The following PPFIA2 variants were observed in gnomAD, a reference collection of about 807,000 sequenced individuals.
The protein encoded by PPFIA2 is PPFI scaffold protein A2, also known as liprin-alpha-2.
A neutral mutation model predicts 175.5 loss-of-function variants in PPFIA2; 46 were observed. That is an observed-to-expected ratio of 0.26 (90% CI 0.21 to 0.34). The LOEUF is 0.34. PPFIA2 is among the 10% of genes least tolerant of loss of function. The pLI, the probability that PPFIA2 is intolerant of heterozygous loss-of-function variation, is 1.00. For synonymous variants in PPFIA2, 568 were observed against 511.4 expected, an observed-to-expected ratio of 1.11 and a Z score of -1.49; for missense variants, 1,179 against 1,506.1, an observed-to-expected ratio of 0.78 and a Z score of 3.60.
At chr12:81,264,057 C>T (rs950510915) in intron 30 of PPFIA2, among the ~76,000 whole-genome samples, 4 of 152,106 alleles carry the variant, frequency 2.6e-5, no homozygotes, top group African/African-American at 9.7e-5. Flanking sequence ...ACCCTGGTTA[C>T]ATTTTAATAA....
chr12:81,505,687 T>C (rs1465410879), intron 4 of PPFIA2: 1 of 152,222 alleles, frequency 6.6e-6, no homozygotes, highest in African/African-American at 2.4e-5. Flanking sequence ...TTCCACACAA[T>C]GAGTTCCCTC....
intron 9 of PPFIA2, among the ~76,000 whole-genome samples, chr12:81,382,987 C>A (rs1009794489): frequency 6.6e-6 from 1 of 152,014 alleles, no homozygotes; most frequent in Non-Finnish European, 1.5e-5. Context: ...CGGATGAAAA[C>A]CAGAAGAGGA....
At chr12:81,690,468 T>C (rs1425365408) in intron 3 of PPFIA2, among the ~76,000 whole-genome samples, 1 of 152,082 alleles carries the variant, frequency 6.6e-6, no homozygotes, top group African/African-American at 2.4e-5. Context: ...CACCAAAGTC[T>C]ATTCCTGTCT....
At chr12:81,266,099 C>T (rs1327357442) in intron 30 of PPFIA2, among the ~76,000 whole-genome samples, 1 of 152,140 alleles carries the variant, frequency 6.6e-6, no homozygotes, top group African/African-American at 2.4e-5. Flanking sequence ...ATTATCTGTC[C>T]TGCCTATTTG....
chr12:81,615,922 G>A (rs985709406), intron 4 of PPFIA2, among the ~76,000 whole-genome samples: 10 of 152,140 alleles, frequency 6.6e-5, no homozygotes, highest in Admixed American at 6.5e-4. Flanking sequence ...CTAGAGCCAT[G>A]TCCTTGAGTA....
At chr12:81,461,346 T>C (rs530204478) in intron 4 of PPFIA2, among the ~76,000 whole-genome samples, 3 of 152,256 alleles carry the variant, frequency 2.0e-5, no homozygotes, top group Admixed American at 1.3e-4. Context: ...TTTAGATTTC[T>C]GCAACACTGC....
chr12:81,348,373 A>G (rs976159782), intron 17 of PPFIA2, among the ~76,000 whole-genome samples: 2 of 152,144 alleles, frequency 1.3e-5, no homozygotes, highest in African/African-American at 4.8e-5. Context: ...TAAGTACCAG[A>G]AAAGGTAATA....
At chr12:81,540,449 G>A (rs970611629) in intron 4 of PPFIA2, among the ~76,000 whole-genome samples, 3 of 151,850 alleles carry the variant, frequency 2.0e-5, no homozygotes, top group African/African-American at 4.8e-5. Context: ...GGCTGGGCTT[G>A]GTCTCTTATA....
intron 3 of PPFIA2, among the ~76,000 whole-genome samples, chr12:81,719,231 G>A (rs1233017957): frequency 2.0e-5 from 3 of 151,626 alleles, no homozygotes; most frequent in Non-Finnish European, 3.0e-5. Flanking sequence ...GCCCTCTGTT[G>A]TTGGTGTTGT....
chr12:81,663,757 C>T (rs2069472403), intron 4 of PPFIA2, among the ~76,000 whole-genome samples: 1 of 152,082 alleles, frequency 6.6e-6, no homozygotes, highest in Non-Finnish European at 1.5e-5. Flanking sequence ...AAGAACAAAG[C>T]TGGAGGCATC....
chr12:81,325,707 T>A (rs1180200963), intron 22 of PPFIA2, 70 bp downstream of exon 22: 1 of 1,157,466 alleles, frequency 8.6e-7, no homozygotes, highest in Non-Finnish European at 1.3e-6. Flanking sequence ...CACTCTCTTT[T>A]TAATTCCCTA....
chr12:81,530,699 A>G (rs1331646571), intron 4 of PPFIA2, among the ~76,000 whole-genome samples: 1 of 151,732 alleles, frequency 6.6e-6, no homozygotes, highest in Non-Finnish European at 1.5e-5. Context: ...AGTAGTACAC[A>G]GTAAATAGTA....
At chr12:81,382,710 T>C (rs180940697) in intron 9 of PPFIA2, among the ~76,000 whole-genome samples, 1 of 152,200 alleles carries the variant, frequency 6.6e-6, no homozygotes, top group Non-Finnish European at 1.5e-5. Context: ...AGGGTCTGGT[T>C]TGCTGAGAAA....
At position 81,358,134 on chromosome 12, in the gene PPFIA2, A is replaced by G. The variant is rs1055280424; in HGVS notation, c.1721T>C (p.Val574Ala). Reference protein sequence around the residue: ...DSQSDYRTTKVIRRPRRGRMG... With the variant: ...DSQSDYRTTKAIRRPRRGRMG... ...GCGGCCTCTCCTTGGTCTTCTTATT[A>G]CTTTAGTTGTTCTGTAATCAGACTG... is the stretch of plus-strand genomic sequence containing the variant. Residue 574 changes from valine (V) to alanine (A), a missense_variant, in exon 16 of 33, where the codon GTA becomes GCA. By Grantham distance (64) the Val-to-Ala change is moderately conservative (BLOSUM62 0). Around this residue, in one of 10 missense-constraint regions of PPFIA2, gnomAD observed 186 missense variants for 163.6 expected, o/e 1.14. Coordinates refer to ENST00000549396, the MANE Select transcript of PPFIA2 (RefSeq NM_003625.5). The G allele has an allele frequency of 6.2e-7, 1 of 1,602,272 alleles. No individual in the cohort carries two copies. The highest frequency in any genetic ancestry group is 2.3e-5 in the East Asian group (1 of 44,344).
At chr12:81,751,570 C>CAG (rs1281634137) in intron 3 of PPFIA2, among the ~76,000 whole-genome samples, 62 of 146,158 alleles carry the variant, frequency 4.2e-4, no homozygotes, top group African/African-American at 1.3e-3. Context: ...CACACATATA[C>CAG]AGAGAGAGAG....
In PPFIA2 at chr12:81,353,283, G is replaced by A; in HGVS notation, c.1830C>T (p.Ser610=). The change falls in exon 17 of 33, where the codon AGC becomes AGT. Residue 610 remains serine, a synonymous_variant. Transcript: ENST00000549396. ...WNRTQQIGVL[S]SHPFESDTEM... ...CAGTGTCACTTTCAAAAGGGTGGCT[G>A]CTTAGTACTCCAATCTGTTGAGTTC... 2 of 1,613,708 alleles carry A rather than the reference G, an allele frequency of 1.2e-6. No individual in the cohort carries two copies. Among genetic ancestry groups the A allele is most frequent in the Middle Eastern group, 1.7e-4 (1 of 6,058 alleles).
At chr12:81,468,924 A>G (rs1395784820) in intron 4 of PPFIA2, among the ~76,000 whole-genome samples, 1 of 152,138 alleles carries the variant, frequency 6.6e-6, no homozygotes, top group Non-Finnish European at 1.5e-5. Context: ...ATTAAATAAC[A>G]GAGTAAAAGA....
intron 21 of PPFIA2, among the ~76,000 whole-genome samples, chr12:81,326,300 G>A (rs2054743899): frequency 6.6e-6 from 1 of 152,046 alleles, no homozygotes. Flanking sequence ...AGCCAATTGG[G>A]TAGGAACTCA....
intron 7 of PPFIA2, among the ~76,000 whole-genome samples, chr12:81,415,177 TAAAAAAAAAAAAAAAAA>T (rs1165680008): frequency 3.9e-3 from 59 of 15,324 alleles, no homozygotes; most frequent in African/African-American, 0.014. Flanking sequence ...TTGGTTCAGG[TAAAAAAAAAAAAAAAAA>T]AAAAAAAAAA....
Sources: gnomAD v4.1 joint callset for allele counts (sites outside exome capture counted in the v4.1 genomes callset) on GRCh38, gnomAD v4.1.1 for gene constraint, gnomAD v4.1.1 regional missense constraint, MANE v1.5 for transcripts, NCBI Gene and HGNC (gene_info 2026-07-23, HGNC 2026-07-21) for gene names.